Variants in TESMIN observed in about 807,000 individuals in gnomAD.
TESMIN encodes the protein CXC domain containing 2.
A neutral mutation model predicts 47.4 loss-of-function variants in TESMIN; 34 were observed. The ratio of observed to expected loss-of-function variants is 0.72; its 90% confidence interval spans 0.55 to 0.96. The LOEUF is 0.96. Among genes scored for constraint, TESMIN ranks in the 40% least tolerant of loss-of-function variants. The pLI is 0.00. For synonymous variants in TESMIN, 278 were observed against 258.9 expected (o/e 1.07, Z -0.71); for missense variants, 610 against 637.2 (o/e 0.96, Z 0.46).
At chr11:68,723,373 C>T (rs937169223) in intron 6 of TESMIN, among the ~76,000 whole-genome samples, 7 of 149,016 alleles carry the variant, frequency 4.7e-5, no homozygotes, top group Admixed American at 1.3e-4. Context: ...CTATTTCAAG[C>T]GGATGATAGT....
intron 7 of TESMIN, among the ~76,000 whole-genome samples, chr11:68,714,021 G>A (rs572421271): frequency 6.6e-6 from 1 of 152,224 alleles, no homozygotes; most frequent in East Asian, 1.9e-4. Flanking sequence ...CAATACACAC[G>A]ATATGTTATC....
chr11:68,719,479 C>G (rs1946179887), intron 6 of TESMIN, among the ~76,000 whole-genome samples: 1 of 152,100 alleles, frequency 6.6e-6, no homozygotes, highest in Admixed American at 6.5e-5. Context: ...GGAAATAAAG[C>G]TAAATCCACA....
intron 4 of TESMIN, among the ~76,000 whole-genome samples, chr11:68,742,626 G>C (rs999067319): frequency 6.6e-6 from 1 of 152,044 alleles, no homozygotes; most frequent in Non-Finnish European, 1.5e-5. Flanking sequence ...TACTTGATCT[G>C]AGCTTCCAGG....
chr11:68,714,359 G>A (rs1946108965), intron 7 of TESMIN, among the ~76,000 whole-genome samples: 1 of 152,218 alleles, frequency 6.6e-6, no homozygotes, highest in African/African-American at 2.4e-5. Flanking sequence ...TCTTGTGCAT[G>A]TGTGCACACC....
At chr11:68,742,027 TGGTG>T (rs1946463531) in intron 5 of TESMIN, among the ~76,000 whole-genome samples, 1 of 152,214 alleles carries the variant, frequency 6.6e-6, no homozygotes, top group African/African-American at 2.4e-5. Flanking sequence ...AATATGCTGT[TGGTG>T]GGGTCACAGA....
At chr11:68,706,671 A>C (rs1237992830), downstream of TESMIN, among the ~76,000 whole-genome samples, 3 of 152,240 alleles carry the variant, frequency 2.0e-5, no homozygotes, top group East Asian at 3.8e-4. Context: ...GGTACACATA[A>C]AGGAATGTGA....
At chr11:68,711,442 AGTGTGT>A (rs55864019) in intron 8 of TESMIN, among the ~76,000 whole-genome samples, 8 of 150,284 alleles carry the variant, frequency 5.3e-5, no homozygotes, top group Non-Finnish European at 1.2e-4. Context: ...TGCGTTTGAG[AGTGTGT>A]GTGTGTGTGT....
At chr11:68,741,644 T>C (rs1214178430) in intron 5 of TESMIN, among the ~76,000 whole-genome samples, 1 of 152,230 alleles carries the variant, frequency 6.6e-6, no homozygotes, top group African/African-American at 2.4e-5. Context: ...GTGGGTGCCC[T>C]ACATGGGCCA....
At chr11:68,741,182 C>T (rs1341399859) in intron 5 of TESMIN, among the ~76,000 whole-genome samples, 2 of 152,150 alleles carry the variant, frequency 1.3e-5, no homozygotes, top group Non-Finnish European at 2.9e-5. Flanking sequence ...TCCCCACCAG[C>T]CCCTCTTTAG....
intron 6 of TESMIN, among the ~76,000 whole-genome samples, chr11:68,735,090 TATTA>T (rs1473860730): frequency 1.3e-5 from 2 of 152,266 alleles, no homozygotes; most frequent in African/African-American, 4.8e-5. Context: ...CTGAATGCTG[TATTA>T]ATTGAGAATT....
chr11:68,736,329 C>T, intron 6 of TESMIN: 1 of 985,456 alleles, frequency 1.0e-6, no homozygotes, highest in Non-Finnish European at 1.2e-6. Flanking sequence ...CACCCCCCAA[C>T]CCTAACAAAT....
Position 68,742,389 on chromosome 11 carries a change from G to C in TESMIN, c.757C>G (p.Pro253Ala), listed in dbSNP as rs1460007457. The C allele has an allele frequency of 6.3e-7, 1 of 1,583,958 alleles. No homozygotes were observed. Among genetic ancestry groups the C allele is most frequent in the African/African-American group, 1.4e-5 (1 of 74,012 alleles). ...DQNNYLQSDV[P>A]KPMTALVGRF... is the part of the protein sequence containing the mutation. ...CCTACTAAAGCAGTCATTGGTTTAG[G>C]GACATCTGTAAGGAAGATAATTAAA... The change falls in exon 5 of 10, where the codon CCT (proline) becomes GCT (alanine). Residue 253 changes from proline (P) to alanine (A), a missense_variant. By Grantham distance (27) the Pro-to-Ala change is conservative. Transcript: ENST00000255087.
chr11:68,746,859 G>T (rs1946527086), intron 3 of TESMIN, among the ~76,000 whole-genome samples: 1 of 152,186 alleles, frequency 6.6e-6, no homozygotes, highest in Non-Finnish European at 1.5e-5. Context: ...AGCAGGCTCT[G>T]CCCTGAAGCC....
intron 6 of TESMIN, among the ~76,000 whole-genome samples, chr11:68,727,850 T>A (rs1271483047): frequency 6.6e-6 from 1 of 152,256 alleles, no homozygotes; most frequent in East Asian, 1.9e-4. Flanking sequence ...CGTTCTTTGA[T>A]GTCACTAAGT....
chr11:68,725,702 G>A (rs933154461), intron 6 of TESMIN, among the ~76,000 whole-genome samples: 2 of 151,950 alleles, frequency 1.3e-5, no homozygotes, highest in Non-Finnish European at 2.9e-5. Flanking sequence ...CGAACTCCTC[G>A]GTTCAAACAA....
chr11:68,711,256 G>A (rs1234850945), intron 8 of TESMIN, among the ~76,000 whole-genome samples: 2 of 151,396 alleles, frequency 1.3e-5, no homozygotes, highest in Non-Finnish European at 2.9e-5. Context: ...GGGTGTGTGT[G>A]TGTTGAGTGT....
rs1413630682 is a variant in TESMIN, at chr11:68,708,248, C to A, written c.*60G>T. 1 of 1,481,124 alleles carries A rather than the reference C, an allele frequency of 6.8e-7. No individual in the cohort carries two copies. Among genetic ancestry groups the A allele is most frequent in the East Asian group, 2.3e-5 (1 of 43,504 alleles). 91.7% of individuals were successfully genotyped at this position (1,481,124 alleles called of 1,614,324 possible). A position where few individuals can be genotyped will look rare whatever the true frequency, so the allele number is the denominator to read the frequency against. On this transcript the variant is annotated 3_prime_UTR_variant, in exon 10 of 10. Coordinates refer to ENST00000255087, the MANE Select transcript of TESMIN (RefSeq NM_004923.3). The stretch of plus-strand genomic sequence containing the variant: ...CCAGCCTCATGTTCCCCTAAACATC[C>A]TTTCTAAACTAGAGATTTCTAGACT...
chr11:68,749,244 G>C (rs575467022), intron 2 of TESMIN, among the ~76,000 whole-genome samples: 1 of 152,330 alleles, frequency 6.6e-6, no homozygotes, highest in South Asian at 2.1e-4. Flanking sequence ...GTCAGTGGAG[G>C]CCCCAGCCTC....
rs932371432 is a variant in TESMIN at position 68,707,942 on chromosome 11, A to T, written c.*366T>A. The T allele has an allele frequency of 2.2e-6, 1 of 461,772 alleles. No homozygotes were observed. The highest frequency in any genetic ancestry group is 4.3e-6 in the Non-Finnish European group (1 of 231,494). 28.6% of individuals were successfully genotyped at this position (461,772 alleles called of 1,614,324 possible). On this transcript the variant is annotated 3_prime_UTR_variant, in exon 10 of 10. Transcript: ENST00000255087. ...CAACATTCTCTGAGAGGAAGAGTCGACCAGAGTGAGCTCTCCGCAGGGCCT... is the reference window on the plus strand; with the variant it reads ...CAACATTCTCTGAGAGGAAGAGTCGTCCAGAGTGAGCTCTCCGCAGGGCCT...
Sources: allele counts gnomAD v4.1 joint callset (sites outside exome capture counted in the v4.1 genomes callset), GRCh38; gene constraint gnomAD v4.1.1; transcripts MANE v1.5; gene names NCBI Gene and HGNC (gene_info 2026-07-23, HGNC 2026-07-21).